The following CALD1 variants were observed in gnomAD, a reference collection of about 807,000 sequenced individuals.
The protein encoded by CALD1 is caldesmon 1.
Under a neutral mutation model 99.9 loss-of-function variants are expected in CALD1, and 33 were observed. The observed-to-expected ratio is 0.33, with a 90% CI of 0.25 to 0.44. The LOEUF is 0.44. Ranked by LOEUF, CALD1 falls within the 20% of genes least tolerant of loss-of-function variation. CALD1 has a pLI of 1.00. For synonymous variants in CALD1, 310 were observed against 325.0 expected, an observed-to-expected ratio of 0.95 and a Z score of 0.50; for missense variants, 861 against 962.1, an observed-to-expected ratio of 0.89 and a Z score of 1.39.
chr7:134,967,418 T>C (rs533571897), intron 14 of CALD1, among the ~76,000 whole-genome samples: 8 of 152,196 alleles, frequency 5.3e-5, no homozygotes, highest in South Asian at 2.1e-4. Flanking sequence ...CCCTTGAAAA[T>C]TGGAATTCAC....
At chr7:134,891,664 C>T (rs1233576827) in intron 3 of CALD1, 2 of 1,606,016 alleles carry the variant, frequency 1.2e-6, no homozygotes, top group Admixed American at 1.7e-5. Flanking sequence ...AGCCTGGCCG[C>T]GCTCTCCCAG....
chr7:134,738,329 A>T, the CALD1 span, among the ~76,000 whole-genome samples: 3 of 152,292 alleles, frequency 2.0e-5, no homozygotes, highest in South Asian at 6.2e-4. Context: ...TTGTTTTGTT[A>T]TATTTGATCC....
chr7:134,804,487 T>C (rs945472949), intron 1 of CALD1, among the ~76,000 whole-genome samples: 2 of 152,228 alleles, frequency 1.3e-5, no homozygotes, highest in Non-Finnish European at 2.9e-5. Context: ...CTTGCTGTTC[T>C]AAATCTTCAC....
Position 134,874,600 on chromosome 7 carries a change from G to A in CALD1, c.71+6796G>A, listed in dbSNP as rs538847163. On this transcript the variant is annotated intron_variant, in intron 3 of 14. Transcript: ENST00000361675. The stretch of plus-strand genomic sequence containing the variant: ...TCACTTTCCAAGATGTGCTCATTAC[G>A]TTCACAGCATCTGCTTTCTGCACCC... Among the ~76,000 whole-genome samples the A allele has an allele frequency of 4.6e-5, 7 of 152,234 alleles. 2 individuals are homozygous for A. Among genetic ancestry groups the A allele is most frequent in the Admixed American group, 3.9e-4 (6 of 15,286 alleles).
Position 134,941,160 on chromosome 7 carries a change from G to C in CALD1, c.1455G>C (p.Lys485Asn), listed in dbSNP as rs1421576722. 6.8e-6 allele frequency: 11 copies of C among 1,612,842 alleles called. No homozygotes were observed. Among genetic ancestry groups the C allele is most frequent in the Non-Finnish European group, 9.3e-6 (11 of 1,179,362 alleles). ...AAGTTAAGAGCTTCATGGATCGAAA[G>C]AAGGGATTTACAGAAGTTAAGTCGC... is the stretch of plus-strand genomic sequence containing the variant. Reference protein sequence around the residue: ...KEEVKSFMDRKKGFTEVKSQN... With the variant: ...KEEVKSFMDRNKGFTEVKSQN... The change falls in exon 7 of 15, where the codon AAG (lysine) becomes AAC (asparagine). Residue 485 changes from lysine (K) to asparagine (N), a missense_variant. Around this residue, in one of 5 missense-constraint regions of CALD1, gnomAD observed 293 missense variants for 262.7 expected, o/e 1.12. Transcript: ENST00000361675.
intron 1 of CALD1, among the ~76,000 whole-genome samples, chr7:134,802,475 G>A (rs1357237879): frequency 2.0e-5 from 3 of 152,064 alleles, no homozygotes; most frequent in African/African-American, 4.8e-5. Flanking sequence ...TCCTATTAAT[G>A]GTCATTTGAA....
chr7:134,830,568 C>T (rs972531865), intron 1 of CALD1, among the ~76,000 whole-genome samples: 1 of 152,090 alleles, frequency 6.6e-6, no homozygotes, highest in Non-Finnish European at 1.5e-5. Context: ...CTCCCACCCT[C>T]AACCCTCCAA....
Position 134,934,041 on chromosome 7 carries a change from A to G in CALD1, c.1272A>G (p.Gln424=). 1 of 1,612,684 alleles carries G rather than the reference A, an allele frequency of 6.2e-7. No individual in the cohort carries two copies. Among genetic ancestry groups the G allele is most frequent in the Non-Finnish European group, 8.5e-7 (1 of 1,179,640 alleles). Residue 424 remains glutamine, a synonymous_variant, in exon 5 of 15, where the codon CAA becomes CAG. Transcript: ENST00000361675. The stretch of plus-strand genomic sequence containing the variant: ...AATGGGTAAATGAAAAGAAAGCACA[A>G]GAAGATAAACTTCAGACAGCTGTCC... ...EGKWVNEKKA[Q]EDKLQTAVLK...
chr7:134,893,649 C>T (rs1021725428), intron 3 of CALD1, among the ~76,000 whole-genome samples: 1 of 152,186 alleles, frequency 6.6e-6, no homozygotes, highest in Non-Finnish European at 1.5e-5. Context: ...TTCTGCAAGG[C>T]CCTGATCAAA....
intron 2 of CALD1, among the ~76,000 whole-genome samples, chr7:134,866,509 T>G (rs1213389317): frequency 6.6e-6 from 1 of 152,172 alleles, no homozygotes; most frequent in Non-Finnish European, 1.5e-5. Context: ...TTGTGGGGTT[T>G]TTTTAGAGGG....
intron 3 of CALD1, among the ~76,000 whole-genome samples, chr7:134,890,332 A>C (rs1237163138): frequency 6.6e-6 from 1 of 152,244 alleles, no homozygotes; most frequent in Non-Finnish European, 1.5e-5. Context: ...TAGTAGATGC[A>C]GTTCAGCTCC....
intron 4 of CALD1, 124 bp from the exon 5 acceptor site, chr7:134,932,864 T>G (rs994950909): frequency 8.1e-5 from 50 of 619,722 alleles, no homozygotes; most frequent in Non-Finnish European, 1.2e-4. Flanking sequence ...GGTAACGTAC[T>G]GGGGATATGG....
chr7:134,718,544 T>C, the CALD1 span, among the ~76,000 whole-genome samples: 1 of 152,128 alleles, frequency 6.6e-6, no homozygotes, highest in Non-Finnish European at 1.5e-5. Context: ...GGGAAAAAAA[T>C]GTTTCATATA....
intron 9 of CALD1, 42 bp downstream of exon 9, chr7:134,950,556 GAC>G: frequency 6.5e-7 from 1 of 1,535,192 alleles, no homozygotes; most frequent in Non-Finnish European, 9.0e-7. Flanking sequence ...ATATGATAGA[GAC>G]TGGATTTTAG....
intron 1 of CALD1, among the ~76,000 whole-genome samples, chr7:134,750,111 A>AAAACAAACAAACAAACAAAC (rs59185876): frequency 6.6e-6 from 1 of 150,742 alleles, no homozygotes; most frequent in African/African-American, 2.4e-5. Context: ...GGCAAGTGTT[A>AAAACAAACAAACAAACAAAC]AAACAAACAA....
intron 3 of CALD1, among the ~76,000 whole-genome samples, chr7:134,913,571 T>C (rs1803980854): frequency 1.3e-5 from 2 of 152,232 alleles, no homozygotes; most frequent in African/African-American, 2.4e-5. Context: ...TGTATATGCA[T>C]ACATAAATGT....
At chr7:134,913,601 G>T (rs1418112231) in intron 3 of CALD1, among the ~76,000 whole-genome samples, 1 of 152,124 alleles carries the variant, frequency 6.6e-6, no homozygotes, top group African/African-American at 2.4e-5. Flanking sequence ...TGTTATTGGT[G>T]CATGCTTAAT....
intron 3 of CALD1, among the ~76,000 whole-genome samples, chr7:134,892,670 G>C (rs1480469608): frequency 6.6e-6 from 1 of 152,192 alleles, no homozygotes; most frequent in African/African-American, 2.4e-5. Flanking sequence ...ATTCACGTGG[G>C]AGAGCTCAAA....
intron 1 of CALD1, among the ~76,000 whole-genome samples, chr7:134,805,221 A>G (rs1032369267): frequency 3.3e-5 from 5 of 152,130 alleles, no homozygotes; most frequent in Non-Finnish European, 5.9e-5. Flanking sequence ...CTCATTTCCC[A>G]TGTTCTGATA....
Sources: allele counts gnomAD v4.1 joint callset (sites outside exome capture counted in the v4.1 genomes callset), GRCh38; gene constraint gnomAD v4.1.1; regional missense constraint gnomAD v4.1.1; transcripts MANE v1.5; gene names NCBI Gene and HGNC (gene_info 2026-07-23, HGNC 2026-07-21).